Variants in ADAMTS20 observed in about 807,000 individuals in gnomAD.
ADAMTS20 encodes the protein ADAM metallopeptidase with thrombospondin type 1 motif 20.
Under a neutral mutation model 260.1 loss-of-function variants are expected in ADAMTS20, and 225 were observed. The ratio of observed to expected loss-of-function variants is 0.87; its 90% CI spans 0.78 to 0.97. The LOEUF is 0.97. Ranked by LOEUF, ADAMTS20 falls within the 50% of genes least tolerant of loss-of-function variation. ADAMTS20 has a pLI of 0.00. For synonymous variants in ADAMTS20, 802 were observed against 769.5 expected (o/e 1.04, Z -0.70); for missense variants, 2,400 against 2,337.7 (o/e 1.03, Z -0.55).
intron 7 of ADAMTS20, among the ~76,000 whole-genome samples, chr12:43,477,163 A>G (rs1942370993): frequency 6.6e-6 from 1 of 152,080 alleles, no homozygotes; most frequent in South Asian, 2.1e-4. Context: ...TGTCATTATA[A>G]TTTATGTACA....
intron 3 of ADAMTS20, among the ~76,000 whole-genome samples, chr12:43,510,540 A>C (rs763191604): frequency 6.6e-6 from 1 of 151,982 alleles, no homozygotes; most frequent in Non-Finnish European, 1.5e-5. Flanking sequence ...GCCACTATTC[A>C]AAGCACATTG....
chr12:43,482,708 A>G (rs1942460085), intron 7 of ADAMTS20, among the ~76,000 whole-genome samples: 1 of 152,120 alleles, frequency 6.6e-6, no homozygotes, highest in African/African-American at 2.4e-5. Flanking sequence ...AGCATAACAC[A>G]AAAGACAAGG....
intron 28 of ADAMTS20, among the ~76,000 whole-genome samples, chr12:43,412,207 T>C (rs1185747693): frequency 6.6e-6 from 1 of 152,210 alleles, no homozygotes; most frequent in Admixed American, 6.5e-5. Context: ...ATTATTTTTA[T>C]ACTTTTTTTA....
chr12:43,416,646 G>A (rs899569380), intron 28 of ADAMTS20, among the ~76,000 whole-genome samples: 5 of 149,696 alleles, frequency 3.3e-5, no homozygotes, highest in Admixed American at 6.7e-5. Flanking sequence ...TCAGCCTCCC[G>A]AGTAGCTGGG....
chr12:43,462,796 A>G (rs1942086387), intron 11 of ADAMTS20, 99 bp downstream of exon 11: 2 of 914,714 alleles, frequency 2.2e-6, no homozygotes, highest in Non-Finnish European at 3.3e-6. Flanking sequence ...CTAGCTGAAG[A>G]AAAGTTGACA....
chr12:43,362,322 G>A (rs1362453757), intron 37 of ADAMTS20, among the ~76,000 whole-genome samples: 1 of 152,186 alleles, frequency 6.6e-6, no homozygotes, highest in Admixed American at 6.5e-5. Flanking sequence ...GAGGGACTCA[G>A]CAGAGAAAGG....
intron 37 of ADAMTS20, among the ~76,000 whole-genome samples, chr12:43,358,624 G>A (rs1360651224): frequency 6.6e-6 from 1 of 151,746 alleles, no homozygotes; most frequent in Non-Finnish European, 1.5e-5. Context: ...GGATCACGAG[G>A]TCAGGAGATC....
At chr12:43,404,147 T>C (rs768993142) in intron 28 of ADAMTS20, among the ~76,000 whole-genome samples, 4 of 151,032 alleles carry the variant, frequency 2.6e-5, no homozygotes, top group Admixed American at 6.6e-5. Flanking sequence ...TTCCAGACTA[T>C]AAAATCTGCT....
At chr12:43,540,405 A>G (rs1006695969) in intron 2 of ADAMTS20, among the ~76,000 whole-genome samples, 3 of 152,248 alleles carry the variant, frequency 2.0e-5, no homozygotes, top group Non-Finnish European at 4.4e-5. Flanking sequence ...ACACTAAGTT[A>G]AAAAATAATG....
chr12:43,464,770 C>G (rs1331122159), intron 9 of ADAMTS20, 38 bp from the exon 10 acceptor site: 1 of 1,578,086 alleles, frequency 6.3e-7, no homozygotes, highest in Non-Finnish European at 8.6e-7. Flanking sequence ...TGTGAATACA[C>G]ATGGATGCAT....
intron 3 of ADAMTS20, among the ~76,000 whole-genome samples, chr12:43,513,134 G>A (rs900790540): frequency 6.6e-6 from 1 of 152,046 alleles, no homozygotes; most frequent in Non-Finnish European, 1.5e-5. Context: ...TAGTGAACTT[G>A]AAGGAAAAAA....
chr12:43,391,354 C>A (rs760187562), intron 29 of ADAMTS20, among the ~76,000 whole-genome samples: 4 of 152,112 alleles, frequency 2.6e-5, no homozygotes, highest in African/African-American at 9.7e-5. Flanking sequence ...CAGATCATAG[C>A]AGCAGTGAAA....
rs1942197773 is a variant in ADAMTS20 at position 43,468,653 on chromosome 12, A to G, written c.1170T>C (p.Asn390=). The part of the protein sequence containing the change: ...ICDPLQSCFI[N]EEKGLISAFT... ...AAGCAGAAATGAGTCCTTTTTCTTC[A>G]TTAATAAAGCAGCTTTGTAAAGGAT... is the stretch of plus-strand genomic sequence containing the variant. The change falls in exon 8 of 39, where the codon AAT becomes AAC. Residue 390 remains asparagine, a synonymous_variant. Transcript: ENST00000389420. 1 of 1,611,636 alleles carries G rather than the reference A, an allele frequency of 6.2e-7. No individual in the cohort carries two copies. Among genetic ancestry groups the G allele is most frequent in the Non-Finnish European group, 8.5e-7 (1 of 1,178,826 alleles).
intron 4 of ADAMTS20, among the ~76,000 whole-genome samples, chr12:43,496,142 A>C (rs1788774478): frequency 6.6e-6 from 1 of 152,230 alleles, no homozygotes; most frequent in Non-Finnish European, 1.5e-5. Flanking sequence ...GCTATAAATA[A>C]TAAATGAGTA....
chr12:43,388,692 CAGAG>C (rs1940535517), intron 29 of ADAMTS20, among the ~76,000 whole-genome samples: 1 of 152,200 alleles, frequency 6.6e-6, no homozygotes, highest in South Asian at 2.1e-4. Flanking sequence ...CACTGGGACT[CAGAG>C]AGGTTAAAGT....
At chr12:43,433,681 C>T in intron 19 of ADAMTS20, 1 of 332,092 alleles carries the variant, frequency 3.0e-6, no homozygotes, top group South Asian at 2.3e-5. Context: ...ACCAATCACG[C>T]ACACACACAC....
intron 28 of ADAMTS20, 65 bp from the exon 29 acceptor site, chr12:43,399,298 G>A: frequency 7.9e-7 from 1 of 1,268,280 alleles, no homozygotes; most frequent in Non-Finnish European, 1.0e-6. Context: ...TTATCTTAAA[G>A]AAGTACAAAA....
intron 3 of ADAMTS20, among the ~76,000 whole-genome samples, chr12:43,518,468 C>A (rs1444381446): frequency 6.6e-6 from 1 of 152,074 alleles, no homozygotes; most frequent in Non-Finnish European, 1.5e-5. Flanking sequence ...TAGTTGATTT[C>A]TCCTCATCTC....
intron 36 of ADAMTS20, 119 bp downstream of exon 36, chr12:43,375,260 A>C: frequency 9.4e-7 from 1 of 1,062,992 alleles, no homozygotes. Context: ...AAAGTAAGTA[A>C]TTTTTGCACA....
Sources: gnomAD v4.1 joint callset for allele counts (sites outside exome capture counted in the v4.1 genomes callset) on GRCh38, gnomAD v4.1.1 for gene constraint, MANE v1.5 for transcripts, NCBI Gene and HGNC (gene_info 2026-07-23, HGNC 2026-07-21) for gene names.